Variants in LRP2 observed in about 807,000 individuals in gnomAD.
The protein encoded by LRP2 is LDL receptor related protein 2.
Under a neutral mutation model 531.0 loss-of-function variants are expected in LRP2, and 172 were observed. The ratio of observed to expected loss-of-function variants is 0.32; its 90% CI spans 0.29 to 0.37. The LOEUF is 0.37. Ranked by LOEUF, LRP2 falls within the 10% of genes least tolerant of loss-of-function variation. LRP2 has a pLI of 1.00. For missense variants in LRP2, 5,167 were observed against 5,868.3 expected, an observed-to-expected ratio of 0.88 and a Z score of 3.90; for synonymous variants, 1,992 against 2,027.6, an observed-to-expected ratio of 0.98 and a Z score of 0.47.
At chr2:169,270,320 G>A (rs191729875) in intron 16 of LRP2, among the ~76,000 whole-genome samples, 7 of 152,170 alleles carry the variant, frequency 4.6e-5, no homozygotes, top group East Asian at 1.9e-4. Flanking sequence ...TGTTTATTGC[G>A]GCACTATTCA....
At chr2:169,143,020 C>A (rs1685779890) in intron 70 of LRP2, among the ~76,000 whole-genome samples, 1 of 152,140 alleles carries the variant, frequency 6.6e-6, no homozygotes, top group African/African-American at 2.4e-5. Flanking sequence ...CTGTACCACT[C>A]ACATTTTCTA....
chr2:169,327,485 T>G (rs1377221372), intron 1 of LRP2, among the ~76,000 whole-genome samples: 36 of 57,078 alleles, frequency 6.3e-4, no homozygotes, highest in Non-Finnish European at 7.6e-4. Flanking sequence ...GGGAGGGAGG[T>G]GGGGGGGTCA....
intron 3 of LRP2, among the ~76,000 whole-genome samples, chr2:169,314,930 G>T (rs960362911): frequency 2.0e-5 from 3 of 152,048 alleles, no homozygotes; most frequent in African/African-American, 7.2e-5. Flanking sequence ...TTCCCGAGAA[G>T]GCAAGTCATG....
intron 17 of LRP2, 94 bp downstream of exon 17, chr2:169,258,931 T>C: frequency 1.8e-6 from 2 of 1,081,784 alleles, no homozygotes; most frequent in Non-Finnish European, 2.9e-6. Flanking sequence ...AATCTTATAT[T>C]TGCTGAACTT....
At chr2:169,295,658 A>G (rs1209422081) in intron 4 of LRP2, among the ~76,000 whole-genome samples, 3 of 152,126 alleles carry the variant, frequency 2.0e-5, no homozygotes, top group Non-Finnish European at 4.4e-5. Flanking sequence ...AACAATTAGT[A>G]CAGGGGTGGG....
chr2:169,230,652 T>G (rs1297299573), intron 31 of LRP2, among the ~76,000 whole-genome samples: 1 of 152,228 alleles, frequency 6.6e-6, no homozygotes, highest in Admixed American at 6.5e-5. Context: ...AAAGGGAACT[T>G]GGGTTTAGAG....
chr2:169,211,436 A>T (rs1255736289), intron 37 of LRP2, among the ~76,000 whole-genome samples: 1 of 152,194 alleles, frequency 6.6e-6, no homozygotes, highest in African/African-American at 2.4e-5. Flanking sequence ...CTAAAGAGGG[A>T]CTGACACTGT....
intron 70 of LRP2, among the ~76,000 whole-genome samples, chr2:169,145,516 TTAC>T (rs1574069730): frequency 6.6e-6 from 1 of 152,368 alleles, no homozygotes; most frequent in East Asian, 1.9e-4. Context: ...ATATTTTTAC[TTAC>T]CTGCTGATGG....
At chr2:169,136,551 C>T (rs1685517190) in intron 76 of LRP2, among the ~76,000 whole-genome samples, 1 of 151,946 alleles carries the variant, frequency 6.6e-6, no homozygotes, top group South Asian at 2.1e-4. Context: ...TGAAAATGGC[C>T]GGTCCTTGCC....
At chr2:169,229,105 C>A (rs1689307366) in intron 31 of LRP2, among the ~76,000 whole-genome samples, 1 of 152,082 alleles carries the variant, frequency 6.6e-6, no homozygotes, top group Non-Finnish European at 1.5e-5. Flanking sequence ...ATCTAGAGGG[C>A]AAGACCAAGT....
At chr2:169,235,812 A>T in intron 29 of LRP2, 28 bp downstream of exon 29, 1 of 1,544,064 alleles carries the variant, frequency 6.5e-7, no homozygotes, top group Non-Finnish European at 9.0e-7. Context: ...CTGTAGTTTT[A>T]ATTTGGTTTT....
intron 20 of LRP2, 72 bp from the exon 21 acceptor site, chr2:169,247,058 A>C: frequency 6.5e-7 from 1 of 1,542,044 alleles, no homozygotes; most frequent in Non-Finnish European, 8.9e-7. Flanking sequence ...TTGATTTGTG[A>C]AGGAAAACAA....
In LRP2 at chr2:169,244,687, A is replaced by G; in HGVS notation, c.3430+6T>C. 1 of 1,614,204 alleles carries G rather than the reference A, an allele frequency of 6.2e-7. No individual in the cohort carries two copies. The highest frequency in any genetic ancestry group is 8.5e-7 in the Non-Finnish European group (1 of 1,180,028). On this transcript the variant is annotated splice_donor_region_variant and intron_variant, in intron 22 of 78. Coordinates refer to ENST00000649046, the MANE Select transcript of LRP2 (RefSeq NM_004525.3). Reference sequence around the variant, plus strand: ...ACCAACCAAGGGAAACCAGCTCAAAACTTACTGCAGTTCTTTTCATCAGAT... The same window carrying G: ...ACCAACCAAGGGAAACCAGCTCAAAGCTTACTGCAGTTCTTTTCATCAGAT...
chr2:169,209,542 A>G lies in LRP2; in HGVS notation c.6380T>C (p.Ile2127Thr). ...SVASDNAIRR[I>T]KPDGSSLMNI... ...CATCAGAGAAGATCCATCTGGTTTAATTCTACGGATCGCATTATCAGATGC... is the reference window on the plus strand; with the variant it reads ...CATCAGAGAAGATCCATCTGGTTTAGTTCTACGGATCGCATTATCAGATGC... Residue 2127 changes from isoleucine (I) to threonine (T), a missense_variant, in exon 38 of 79, where the codon ATT (isoleucine) becomes ACT (threonine). By Grantham distance (89) the Ile-to-Thr change is moderately conservative (BLOSUM62 -1). This residue lies in a region of LRP2 where 2,811 missense variants were observed against 3,058.0 expected (regional missense o/e 0.92). Transcript: ENST00000649046. 6.2e-7 allele frequency: 1 copy of G among 1,614,156 alleles called. No homozygotes were observed. Among genetic ancestry groups the G allele is most frequent in the Non-Finnish European group, 8.5e-7 (1 of 1,180,010 alleles).
At chr2:169,233,114 C>G (rs1036144060) in intron 30 of LRP2, among the ~76,000 whole-genome samples, 1 of 152,166 alleles carries the variant, frequency 6.6e-6, no homozygotes, top group Non-Finnish European at 1.5e-5. Flanking sequence ...CTGGTCTGTA[C>G]TCCATTTGTC....
At chr2:169,247,228 C>T (rs1166734419) in intron 20 of LRP2, 150 bp downstream of exon 20, 1 of 959,516 alleles carries the variant, frequency 1.0e-6, no homozygotes, top group Non-Finnish European at 1.5e-6. Context: ...GATTTCAAGT[C>T]TTACACTCTT....
At chr2:169,359,841 G>A (rs1264469789) in intron 1 of LRP2, among the ~76,000 whole-genome samples, 1 of 151,980 alleles carries the variant, frequency 6.6e-6, no homozygotes, top group Non-Finnish European at 1.5e-5. Context: ...AAGAGAAATC[G>A]GGCCAGGTGC....
intron 1 of LRP2, among the ~76,000 whole-genome samples, chr2:169,332,651 T>C (rs1487875761): frequency 6.6e-6 from 1 of 152,196 alleles, no homozygotes; most frequent in Non-Finnish European, 1.5e-5. Context: ...ACAAGTTACA[T>C]GCTAGGAACT....
rs1423201946 is a variant in LRP2 at position 169,156,318 on chromosome 2, A to T, written c.12107T>A (p.Phe4036Tyr). The T allele has an allele frequency of 1.2e-6, 2 of 1,613,656 alleles. No individual in the cohort carries two copies. The highest frequency in any genetic ancestry group is 1.7e-6 in the Non-Finnish European group (2 of 1,179,736). Residue 4036 changes from phenylalanine (F) to tyrosine (Y), a missense_variant, in exon 65 of 79, where the codon TTC becomes TAC. By Grantham distance (22) the Phe-to-Tyr change is conservative. This residue lies in a region of LRP2 where 564 missense variants were observed against 747.7 expected (regional missense o/e 0.75). Coordinates refer to ENST00000649046, the MANE Select transcript of LRP2 (RefSeq NM_004525.3). Reference sequence around the variant, plus strand: ...TCCAGGGCGGTCACTCATAGACGTGAAGCCATCAGCACAGACACACTCATA... The same window carrying T: ...TCCAGGGCGGTCACTCATAGACGTGTAGCCATCAGCACAGACACACTCATA... ...GSYECVCADGFTSMSDRPGKR... is the reference protein window; with the variant it reads ...GSYECVCADGYTSMSDRPGKR...
Sources: gnomAD v4.1 joint callset for allele counts (sites outside exome capture counted in the v4.1 genomes callset) on GRCh38, gnomAD v4.1.1 for gene constraint, gnomAD v4.1.1 regional missense constraint, MANE v1.5 for transcripts, NCBI Gene and HGNC (gene_info 2026-07-23, HGNC 2026-07-21) for gene names.